Variants in CTNNA3 observed in about 807,000 individuals in gnomAD.
The protein encoded by CTNNA3 is catenin alpha 3.
In CTNNA3, 76 loss-of-function variants were observed where a neutral mutation model predicts 95.7. The ratio of observed to expected loss-of-function variants is 0.79; its 90% CI spans 0.66 to 0.96. CTNNA3 has a LOEUF of 0.96. CTNNA3 is among the 40% of genes least tolerant of loss of function. The pLI, the probability that CTNNA3 is intolerant of heterozygous loss-of-function variation, is 0.00. For synonymous variants in CTNNA3, 431 were observed against 374.4 expected, an observed-to-expected ratio of 1.15 and a Z score of -1.74; for missense variants, 1,191 against 1,089.8, an observed-to-expected ratio of 1.09 and a Z score of -1.31.
chr10:66,690,793 G>T (rs1305539850), intron 9 of CTNNA3, among the ~76,000 whole-genome samples: 9 of 152,204 alleles, frequency 5.9e-5, no homozygotes. Flanking sequence ...ACATGTGCAT[G>T]TGTCTTTATA....
At chr10:67,342,262 C>T (rs1341652480) in intron 5 of CTNNA3, among the ~76,000 whole-genome samples, 1 of 151,680 alleles carries the variant, frequency 6.6e-6, no homozygotes, top group African/African-American at 2.4e-5. Flanking sequence ...CCACCATGCC[C>T]GGCTAATTTT....
chr10:67,677,297 TAAAC>T (rs1840553065), intron 1 of CTNNA3, among the ~76,000 whole-genome samples: 1 of 152,188 alleles, frequency 6.6e-6, no homozygotes. Flanking sequence ...GACTTTCAGA[TAAAC>T]AAAGAATAAT....
chr10:66,906,799 A>G (rs1000583654), intron 7 of CTNNA3, among the ~76,000 whole-genome samples: 6 of 151,984 alleles, frequency 3.9e-5, no homozygotes, highest in Admixed American at 3.9e-4. Context: ...CACTGAGATG[A>G]ATTATATGAT....
At chr10:66,223,985 C>A (rs1390578033) in intron 13 of CTNNA3, among the ~76,000 whole-genome samples, 2 of 151,720 alleles carry the variant, frequency 1.3e-5, no homozygotes, top group Non-Finnish European at 2.9e-5. Flanking sequence ...TCACTTGAGC[C>A]CAGGAGTTCA....
chr10:66,899,912 T>C (rs6480239), intron 7 of CTNNA3, among the ~76,000 whole-genome samples: 148,127 of 152,268 alleles, frequency 0.97, 72,192 homozygotes, highest in East Asian at 1. Flanking sequence ...GACTCCACCT[T>C]TGTGGGCAGG....
intron 7 of CTNNA3, among the ~76,000 whole-genome samples, chr10:67,027,908 T>C (rs1853489575): frequency 6.6e-6 from 1 of 152,228 alleles, no homozygotes; most frequent in African/African-American, 2.4e-5. Context: ...ATGATGATGA[T>C]ATCACTTTAT....
chr10:66,253,956 G>A (rs964949591), intron 13 of CTNNA3, among the ~76,000 whole-genome samples: 5 of 152,196 alleles, frequency 3.3e-5, no homozygotes, highest in Non-Finnish European at 7.4e-5. Flanking sequence ...CTCAAATGAT[G>A]ATAGTCTGTG....
At chr10:67,374,025 T>C (rs1438142306) in intron 5 of CTNNA3, among the ~76,000 whole-genome samples, 1 of 152,202 alleles carries the variant, frequency 6.6e-6, no homozygotes, top group Non-Finnish European at 1.5e-5. Context: ...GTAGAACTTT[T>C]GTAAAACTTA....
At chr10:67,733,387 A>G (rs1841286773) in intron 1 of CTNNA3, among the ~76,000 whole-genome samples, 1 of 152,190 alleles carries the variant, frequency 6.6e-6, no homozygotes. Context: ...TAATACATCT[A>G]AAATGGAATT....
chr10:67,437,460 T>C (rs1846341154), intron 5 of CTNNA3, among the ~76,000 whole-genome samples: 1 of 149,618 alleles, frequency 6.7e-6, no homozygotes, highest in South Asian at 2.1e-4. Flanking sequence ...TGTACCCCAA[T>C]AAATTTAATA....
chr10:66,169,223 T>C (rs182211464), intron 13 of CTNNA3, among the ~76,000 whole-genome samples: 85 of 152,264 alleles, frequency 5.6e-4, no homozygotes, highest in African/African-American at 2.0e-3. Context: ...GTATCATTCT[T>C]ATGCCTTTGC....
chr10:66,025,503 A>C (rs10740218), intron 15 of CTNNA3, among the ~76,000 whole-genome samples: 109,365 of 152,016 alleles, frequency 0.72, 39,526 homozygotes, highest in South Asian at 0.82. Context: ...AGCCCTGAAT[A>C]CTGTTGGAAG....
intron 10 of CTNNA3, among the ~76,000 whole-genome samples, chr10:66,620,996 T>G (rs1002968329): frequency 2.0e-5 from 3 of 152,174 alleles, no homozygotes; most frequent in African/African-American, 7.2e-5. Flanking sequence ...TCTATGTGTA[T>G]CTTGATTCAT....
intron 9 of CTNNA3, among the ~76,000 whole-genome samples, chr10:66,693,235 A>G (rs1847625064): frequency 6.6e-6 from 1 of 152,112 alleles, no homozygotes; most frequent in Non-Finnish European, 1.5e-5. Flanking sequence ...GCAGAGACAC[A>G]CATAGGCTCA....
chr10:67,128,414 C>A (rs1267068525), intron 7 of CTNNA3, among the ~76,000 whole-genome samples: 1 of 151,696 alleles, frequency 6.6e-6, no homozygotes, highest in Non-Finnish European at 1.5e-5. Flanking sequence ...AACTGGGAAA[C>A]AATAATTCCA....
At position 66,492,932 on chromosome 10, in the gene CTNNA3, T is replaced by C. The variant is rs114334658; in HGVS notation, c.1531+27685A>G. 9.0e-3 allele frequency among the ~76,000 whole-genome samples: 1,369 copies of C among 152,312 alleles called. 19 individuals are homozygous for C. The highest frequency in any genetic ancestry group is 0.031 in the African/African-American group (1,308 of 41,564). On this transcript the variant is annotated intron_variant, in intron 11 of 17. Coordinates refer to ENST00000433211, the MANE Select transcript of CTNNA3 (RefSeq NM_013266.4). ...TCCTGTCATCTGATTTCTCACCATC[T>C]GGCCTAAACAGTTGGGTTTATCCCT...
At chr10:67,193,045 C>A (rs1489150656) in intron 6 of CTNNA3, among the ~76,000 whole-genome samples, 2 of 151,512 alleles carry the variant, frequency 1.3e-5, no homozygotes, top group Admixed American at 1.3e-4. Flanking sequence ...TATGTAAAAT[C>A]AAACTGTTTT....
Position 66,928,222 on chromosome 10 carries a change from C to A in CTNNA3, c.1048-152698G>T. 2.5e-6 allele frequency: 4 copies of A among 1,614,154 alleles called. No individual in the cohort carries two copies. In the East Asian group the frequency reaches 6.7e-5, roughly 27 times the overall value. ...TTTCCTGTCCGTGCTCGTCATCCTG[C>A]TGGTTATCTACGTGTCATGGAAGCG... is the stretch of plus-strand genomic sequence containing the variant. On this transcript the variant is annotated intron_variant, in intron 7 of 17. Coordinates refer to ENST00000433211, the MANE Select transcript of CTNNA3 (RefSeq NM_013266.4).
chr10:66,280,422 ATGG>A (rs754683126), intron 13 of CTNNA3, 45 bp downstream of exon 13: 1 of 1,522,866 alleles, frequency 6.6e-7, no homozygotes. Flanking sequence ...GGCATTCCAG[ATGG>A]TGAAGAACAT....
Sources: allele counts gnomAD v4.1 joint callset (sites outside exome capture counted in the v4.1 genomes callset), GRCh38; gene constraint gnomAD v4.1.1; transcripts MANE v1.5; gene names NCBI Gene and HGNC (gene_info 2026-07-23, HGNC 2026-07-21).